Variants in ZAP70 observed in about 807,000 individuals in gnomAD.
ZAP70 encodes the protein zeta chain of T cell receptor associated protein kinase 70, also known as tyrosine-protein kinase ZAP-70.
A neutral mutation model predicts 65.8 loss-of-function variants in ZAP70; 27 were observed. The ratio of observed to expected loss-of-function variants is 0.41; its 90% CI spans 0.30 to 0.57. ZAP70 has a LOEUF of 0.57. Among genes scored for constraint, ZAP70 ranks in the 20% least tolerant of loss-of-function variants. The pLI, the probability that ZAP70 is intolerant of heterozygous loss-of-function variation, is 0.28. For missense variants in ZAP70, 696 were observed against 870.5 expected (o/e 0.80, Z 2.52); for synonymous variants, 363 against 360.8 (o/e 1.01, Z -0.07).
the ZAP70 span, among the ~76,000 whole-genome samples, chr2:97,750,442 A>G: frequency 1.2e-4 from 18 of 152,234 alleles, no homozygotes; most frequent in African/African-American, 4.3e-4. Context: ...TAATGAACGC[A>G]GTCTATAGTT....
chr2:97,718,547 A>G (rs1250637147), intron 2 of ZAP70, among the ~76,000 whole-genome samples: 1 of 152,010 alleles, frequency 6.6e-6, no homozygotes. Context: ...GCTTGTGATT[A>G]CCGTTGTCCT....
the ZAP70 span, among the ~76,000 whole-genome samples, chr2:97,751,120 A>T: frequency 1.3e-5 from 2 of 152,162 alleles, no homozygotes; most frequent in African/African-American, 4.8e-5. Context: ...ATATCTAACC[A>T]CTCTGAATAT....
rs567367786 is a variant in ZAP70, at chr2:97,737,078, T to C, written c.1290-395T>C. On this transcript the variant is annotated intron_variant, in intron 10 of 13. Transcript: ENST00000264972. The surrounding 1 kb of genome is among the most constrained non-coding windows in gnomAD (Gnocchi z 5.0). Reference sequence around the variant, plus strand: ...TGACACCAGAACTGCCAGGGTTTGCTGATGGATTGGGTGTGAGAGAAAGAG... The same window carrying C: ...TGACACCAGAACTGCCAGGGTTTGCCGATGGATTGGGTGTGAGAGAAAGAG... Among the ~76,000 whole-genome samples the C allele has an allele frequency of 1.3e-5, 2 of 152,042 alleles. No homozygotes were observed. Among genetic ancestry groups the C allele is most frequent in the South Asian group, 4.2e-4 (2 of 4,812 alleles).
chr2:97,734,869 A>G, intron 9 of ZAP70, 157 bp downstream of exon 9: 2 of 1,019,698 alleles, frequency 2.0e-6, no homozygotes, highest in Non-Finnish European at 1.4e-6. Context: ...GGATTCCCTG[A>G]GAGAGCTCGG....
At chr2:97,753,521 C>T in the ZAP70 span, among the ~76,000 whole-genome samples, 9 of 152,188 alleles carry the variant, frequency 5.9e-5, no homozygotes, top group Non-Finnish European at 7.4e-5. Context: ...CTGTGTTTCC[C>T]GGATGGCTAA....
At chr2:97,745,882 A>G in the ZAP70 span, among the ~76,000 whole-genome samples, 41 of 152,392 alleles carry the variant, frequency 2.7e-4, no homozygotes, top group Admixed American at 8.5e-4. Flanking sequence ...CATTCACGAT[A>G]GCCAAAAGGT....
At chr2:97,721,580 A>ATTTTTTTTTTTTTTT (rs796509420) in intron 2 of ZAP70, among the ~76,000 whole-genome samples, 29 of 81,170 alleles carry the variant, frequency 3.6e-4, no homozygotes, top group Non-Finnish European at 4.4e-4. Flanking sequence ...TGGCTGGCTG[A>ATTTTTTTTTTTTTTT]TTTTTTTTTT....
intron 4 of ZAP70, 50 bp from the exon 5 acceptor site, chr2:97,732,833 G>A: frequency 6.2e-7 from 1 of 1,611,674 alleles, no homozygotes; most frequent in African/African-American, 1.3e-5. Context: ...GGCACAGCAG[G>A]AGGCCCCCAG....
At chr2:97,717,844 G>A (rs1676999720) in intron 2 of ZAP70, among the ~76,000 whole-genome samples, 1 of 152,240 alleles carries the variant, frequency 6.6e-6, no homozygotes, top group South Asian at 2.1e-4. Flanking sequence ...TTTACCCAGG[G>A]AGGCTGGGTG....
At chr2:97,728,241 C>T (rs1206061418) in intron 4 of ZAP70, among the ~76,000 whole-genome samples, 2 of 152,192 alleles carry the variant, frequency 1.3e-5, no homozygotes, top group East Asian at 1.9e-4. Flanking sequence ...ATCAAACTGG[C>T]GTGCAGTCTC....
intron 4 of ZAP70, among the ~76,000 whole-genome samples, chr2:97,726,340 C>T (rs909693049): frequency 2.6e-5 from 4 of 152,222 alleles, no homozygotes; most frequent in Non-Finnish European, 5.9e-5. Context: ...AGATGGTATC[C>T]AGGTGCAGCT....
At chr2:97,717,370 AGACATGCGGAGCCTCTGGCTGGGGG>A (rs1190816866) in intron 2 of ZAP70, among the ~76,000 whole-genome samples, 131 of 103,264 alleles carry the variant, frequency 1.3e-3, no homozygotes, top group Middle Eastern at 5.2e-3. Context: ...CTGGCTGGGG[AGACATGCGGAGCCTCTGGCTGGGGG>A]GACATGCGGA....
the ZAP70 span, among the ~76,000 whole-genome samples, chr2:97,751,086 C>T: frequency 1.3e-5 from 2 of 152,176 alleles, no homozygotes; most frequent in African/African-American, 2.4e-5. Flanking sequence ...TTACTGGAGA[C>T]GTGGGTGTTG....
In ZAP70 at chr2:97,724,310, G is replaced by A; in HGVS notation, c.274G>A (p.Asp92Asn). Residue 92 changes from aspartate to asparagine, a missense_variant, in exon 3 of 14, where the codon GAC (aspartate) becomes AAC (asparagine). Coordinates refer to ENST00000264972, the MANE Select transcript of ZAP70 (RefSeq NM_001079.4). ...CTGCGAGTTCTACTCGCGCGACCCC[G>A]ACGGGCTGCCCTGCAACCTGCGCAA... ...ELCEFYSRDP[D>N]GLPCNLRKPC... 3 of 1,588,464 alleles carry A rather than the reference G, an allele frequency of 1.9e-6. No homozygotes were observed. The highest frequency in any genetic ancestry group is 2.6e-6 in the Non-Finnish European group (3 of 1,168,586).
At chr2:97,723,483 C>T (rs1677241076) in intron 2 of ZAP70, among the ~76,000 whole-genome samples, 1 of 152,250 alleles carries the variant, frequency 6.6e-6, no homozygotes, top group African/African-American at 2.4e-5. Context: ...ATGCTAGCTC[C>T]TTGGAGAAGG....
the ZAP70 span, among the ~76,000 whole-genome samples, chr2:97,756,073 C>A: frequency 6.6e-6 from 1 of 152,146 alleles, no homozygotes. Context: ...TTTTATGAGG[C>A]CTTTTAGGAT....
chr2:97,733,378 A>G, intron 7 of ZAP70, 35 bp downstream of exon 7: 2 of 1,589,356 alleles, frequency 1.3e-6, no homozygotes, highest in Non-Finnish European at 1.7e-6. Flanking sequence ...GGCCTTGGGG[A>G]TGGAGCTGGG....
chr2:97,732,173 A>G (rs1389070624), intron 4 of ZAP70, among the ~76,000 whole-genome samples: 1 of 152,200 alleles, frequency 6.6e-6, no homozygotes, highest in African/African-American at 2.4e-5. Context: ...TGGAAGATTT[A>G]TATATTTATA....
intron 2 of ZAP70, among the ~76,000 whole-genome samples, chr2:97,714,336 G>A (rs571520903): frequency 5.6e-4 from 85 of 152,334 alleles, no homozygotes; most frequent in African/African-American, 1.9e-3. Flanking sequence ...TGCACTCTGT[G>A]AAGATGAGGG....
Sources: gnomAD v4.1 joint callset for allele counts (sites outside exome capture counted in the v4.1 genomes callset) on GRCh38, gnomAD v4.1.1 for gene constraint, Gnocchi (gnomAD v3.1) non-coding constraint, MANE v1.5 for transcripts, NCBI Gene and HGNC (gene_info 2026-07-23, HGNC 2026-07-21) for gene names.